Variants in SELENOF observed in about 807,000 individuals in gnomAD.
SELENOF encodes the protein 15 kDa selenoprotein.
A neutral mutation model predicts 20.5 loss-of-function variants in SELENOF; 16 were observed. The observed-to-expected ratio is 0.78, with a 90% CI of 0.53 to 1.19. SELENOF has a LOEUF of 1.19. SELENOF is among the 50% of genes most tolerant of loss of function. SELENOF has a pLI of 0.00. For missense variants in SELENOF, 215 were observed against 194.2 expected (o/e 1.11, Z -0.64); for synonymous variants, 78 against 74.5 (o/e 1.05, Z -0.24).
At chr1:86,878,710 G>A (rs1454883163) in intron 3 of SELENOF, among the ~76,000 whole-genome samples, 1 of 151,976 alleles carries the variant, frequency 6.6e-6, no homozygotes, top group Non-Finnish European at 1.5e-5. Context: ...ATATGAAGCA[G>A]TGAAGACATG....
At chr1:86,872,493 C>T (rs1658801151) in intron 3 of SELENOF, among the ~76,000 whole-genome samples, 2 of 152,020 alleles carry the variant, frequency 1.3e-5, no homozygotes, top group South Asian at 2.1e-4. Flanking sequence ...CTCAGCCTCC[C>T]GAGCAGCTGG....
chr1:86,874,578 TA>T (rs576695912), intron 3 of SELENOF, among the ~76,000 whole-genome samples: 25 of 147,356 alleles, frequency 1.7e-4, no homozygotes, highest in South Asian at 4.3e-4. Flanking sequence ...TAAGGAGTAT[TA>T]AAAAAAAAAC....
At chr1:86,874,643 T>C (rs1232812544) in intron 3 of SELENOF, among the ~76,000 whole-genome samples, 1 of 151,798 alleles carries the variant, frequency 6.6e-6, no homozygotes, top group African/African-American at 2.4e-5. Flanking sequence ...AGAGGGTATA[T>C]GTGGAAATGG....
At chr1:86,884,838 T>A (rs1659172340) in intron 2 of SELENOF, among the ~76,000 whole-genome samples, 1 of 152,218 alleles carries the variant, frequency 6.6e-6, no homozygotes, top group Non-Finnish European at 1.5e-5. Flanking sequence ...CCCATTATTG[T>A]ATTAGGACTA....
intron 3 of SELENOF, among the ~76,000 whole-genome samples, chr1:86,874,629 A>G (rs1658877349): frequency 6.6e-6 from 1 of 152,104 alleles, no homozygotes; most frequent in Non-Finnish European, 1.5e-5. Context: ...TCCTTGTTCT[A>G]GAAAGAGGGT....
chr1:86,885,869 C>T (rs1659201233), intron 2 of SELENOF, among the ~76,000 whole-genome samples: 1 of 152,062 alleles, frequency 6.6e-6, no homozygotes, highest in Admixed American at 6.6e-5. Context: ...TCCAGAATTG[C>T]TATAAGAAGT....
Position 86,903,427 on chromosome 1 carries a change from A to T in SELENOF, c.106T>A (p.Phe36Ile), listed in dbSNP as rs1335822675. The T allele has an allele frequency of 6.2e-7, 1 of 1,605,844 alleles. No homozygotes were observed. The highest frequency in any genetic ancestry group is 8.5e-7 in the Non-Finnish European group (1 of 1,176,796). The change falls in exon 2 of 5, where the codon TTT (phenylalanine) becomes ATT (isoleucine). Residue 36 changes from phenylalanine (F) to isoleucine (I), a missense_variant. Transcript: ENST00000331835. ...LQAVSAFGAE[F>I]SSEACRELGF... ...AACTCTCTGCATGCCTCCGATGAAA[A>T]CTCTGCCCCAAAAGCAGACACCTGA...
intron 2 of SELENOF, among the ~76,000 whole-genome samples, chr1:86,884,236 T>A (rs1048140880): frequency 2.0e-5 from 3 of 152,090 alleles, no homozygotes; most frequent in Non-Finnish European, 4.4e-5. Context: ...TGTAGAGTAG[T>A]TCCAGTCCAG....
At position 86,901,424 on chromosome 1, in the gene SELENOF, T is replaced by TA. The variant is rs545664171; in HGVS notation, c.252+1856dup. 4.2e-3 allele frequency among the ~76,000 whole-genome samples: 537 copies of TA among 128,284 alleles called. 1 individual carries two copies. Among genetic ancestry groups the TA allele is most frequent in the East Asian group, 0.02 (92 of 4,598 alleles). The allele number at this position is 128,284 out of a possible 152,430, so 84.2% of individuals were successfully genotyped here. A position where few individuals can be genotyped will look rare whatever the true frequency, so the allele number is the denominator to read the frequency against. On this transcript the variant is annotated intron_variant, in intron 2 of 4. Coordinates refer to ENST00000331835, the MANE Select transcript of SELENOF (RefSeq NM_004261.5). ...TATGTTTTGGTTTCACTAGTCTTAC[T>TA]AAAAAAAAAAAAAAAATTCACCAGT... is the stretch of plus-strand genomic sequence containing the variant.
At chr1:86,896,176 G>C (rs1659518995) in intron 2 of SELENOF, among the ~76,000 whole-genome samples, 1 of 151,232 alleles carries the variant, frequency 6.6e-6, no homozygotes, top group South Asian at 2.1e-4. Flanking sequence ...TTGAACCTGG[G>C]AGGTTGCAGT....
intron 3 of SELENOF, among the ~76,000 whole-genome samples, chr1:86,877,456 T>C (rs1015865192): frequency 2.0e-5 from 3 of 152,186 alleles, no homozygotes; most frequent in African/African-American, 7.2e-5. Flanking sequence ...CATAAATGTT[T>C]TATTTTTTGG....
In SELENOF at chr1:86,895,364, A is replaced by C. The variant is rs1430675267; in HGVS notation, c.252+7917T>G. ...GCTTTTATCATCAGCAAACCAGATT[A>C]CTACTACTACTATTACTGCTGCTGC... On this transcript the variant is annotated intron_variant, in intron 2 of 4. Coordinates refer to ENST00000331835, the MANE Select transcript of SELENOF (RefSeq NM_004261.5). Among the ~76,000 whole-genome samples the C allele has an allele frequency of 2.0e-5, 3 of 152,340 alleles. No individual in the cohort carries two copies. In the East Asian group the frequency reaches 5.8e-4, roughly 29 times the overall value.
In SELENOF at chr1:86,866,230, C is replaced by CTGTGTGTGTGTGTGTGTG. The variant is rs60714256; in HGVS notation, c.366+1805_366+1822dup. 2.3e-4 allele frequency among the ~76,000 whole-genome samples: 26 copies of CTGTGTGTGTGTGTGTGTG among 113,678 alleles called. 1 individual carries two copies. The highest frequency in any genetic ancestry group is 8.3e-4 in the East Asian group (3 of 3,604). The allele number at this position is 113,678 out of a possible 152,430, so 74.6% of individuals were successfully genotyped here. A position where few individuals can be genotyped will look rare whatever the true frequency, so the allele number is the denominator to read the frequency against. On this transcript the variant is annotated intron_variant, in intron 4 of 4. Coordinates refer to ENST00000331835, the MANE Select transcript of SELENOF (RefSeq NM_004261.5). ...AAAAAAAAAAAAAAAGTGTGTGTCT[C>CTGTGTGTGTGTGTGTGTG]TGTGTGTGTGTGTGTGTGTGTGTGT...
At chr1:86,893,270 T>C (rs1659434454) in intron 2 of SELENOF, among the ~76,000 whole-genome samples, 4 of 152,094 alleles carry the variant, frequency 2.6e-5, no homozygotes, top group African/African-American at 9.7e-5. Flanking sequence ...TGGAGTAATG[T>C]GCTAGCTCAA....
At chr1:86,899,289 T>C (rs1456097624) in intron 2 of SELENOF, among the ~76,000 whole-genome samples, 1 of 150,372 alleles carries the variant, frequency 6.7e-6, no homozygotes, top group Non-Finnish European at 1.5e-5. Context: ...CCGTTCTCAA[T>C]GAGCTGTTGG....
At position 86,863,200 on chromosome 1, in the gene SELENOF, A is replaced by G. The variant is rs758318039; in HGVS notation, c.*274T>C. 1.1e-4 allele frequency: 32 copies of G among 291,866 alleles called. No individual in the cohort carries two copies. The highest frequency in any genetic ancestry group is 2.0e-3 in the Middle Eastern group (2 of 998). 18.1% of individuals were successfully genotyped at this position (291,866 alleles called of 1,614,324 possible). Reference sequence around the variant, plus strand: ...ACTGGACCAATTATCACAAACTATCATTTGCATAATTAACCGCAAGTCTGT... The same window carrying G: ...ACTGGACCAATTATCACAAACTATCGTTTGCATAATTAACCGCAAGTCTGT... On this transcript the variant is annotated 3_prime_UTR_variant, in exon 5 of 5. Transcript: ENST00000331835.
At chr1:86,911,169 C>A (rs490093) in intron 1 of SELENOF, among the ~76,000 whole-genome samples, 1 of 152,022 alleles carries the variant, frequency 6.6e-6, no homozygotes, top group African/African-American at 2.4e-5. Flanking sequence ...CTGGAGCACA[C>A]AGAAAGACTC....
intron 2 of SELENOF, among the ~76,000 whole-genome samples, chr1:86,902,611 C>T (rs525519): frequency 0.28 from 43,267 of 152,002 alleles, 7,680 homozygotes; most frequent in African/African-American, 0.5. Context: ...TTTAACTGGA[C>T]AACTCAAATG....
At chr1:86,897,638 A>C (rs1398022806) in intron 2 of SELENOF, among the ~76,000 whole-genome samples, 12 of 152,178 alleles carry the variant, frequency 7.9e-5, no homozygotes, top group Admixed American at 7.9e-4. Flanking sequence ...ACACCATTCT[A>C]CATAGCTACT....
Sources: gnomAD v4.1 joint callset for allele counts (sites outside exome capture counted in the v4.1 genomes callset) on GRCh38, gnomAD v4.1.1 for gene constraint, MANE v1.5 for transcripts, NCBI Gene and HGNC (gene_info 2026-07-23, HGNC 2026-07-21) for gene names.